The following CENPP variants were observed in gnomAD, a reference collection of about 807,000 sequenced individuals.
The protein encoded by CENPP is centromere protein P.
CENPP carries 24 observed loss-of-function variants against 35.6 expected under a neutral mutation model. That is an observed-to-expected ratio of 0.67 (90% CI 0.49 to 0.95). The LOEUF (loss-of-function observed/expected upper bound fraction) is 0.95. CENPP is among the 40% of genes least tolerant of loss of function. The probability of loss-of-function intolerance (pLI) is 0.00; values close to 1 mark genes in which losing one functional copy is unlikely to be tolerated. For synonymous variants in CENPP, 120 were observed against 125.5 expected, an observed-to-expected ratio of 0.96 and a Z score of 0.29; for missense variants, 332 against 345.3, an observed-to-expected ratio of 0.96 and a Z score of 0.31.
intron 5 of CENPP, among the ~76,000 whole-genome samples, chr9:92,426,540 CAATG>C (rs1843971884): frequency 6.6e-6 from 1 of 152,002 alleles, no homozygotes; most frequent in South Asian, 2.1e-4. Context: ...AGAATATAAA[CAATG>C]TAGAGTGCGA....
intron 5 of CENPP, among the ~76,000 whole-genome samples, chr9:92,473,075 G>T (rs1454876455): frequency 6.6e-6 from 1 of 152,196 alleles, no homozygotes; most frequent in Non-Finnish European, 1.5e-5. Flanking sequence ...ATATTCTTAG[G>T]TGGATTTTGT....
rs78815638 is a variant in CENPP, at chr9:92,327,382, A to G, written c.107+1277A>G. ...TCTCAGGCAAAGCAGAAAGGCCCACACTTTGGAGGAGGAGGGGTTGGGGCA... is the reference window on the plus strand; with the variant it reads ...TCTCAGGCAAAGCAGAAAGGCCCACGCTTTGGAGGAGGAGGGGTTGGGGCA... On this transcript the variant is annotated intron_variant, in intron 1 of 7. Transcript: ENST00000375587. Among the ~76,000 whole-genome samples the G allele has an allele frequency of 7.6e-3, 1,159 of 152,326 alleles. 17 individuals are homozygous for G. Among genetic ancestry groups the G allele is most frequent in the African/African-American group, 0.026 (1,082 of 41,578 alleles).
chr9:92,619,673 C>T lies in CENPP; in HGVS notation c.*6524C>T. On this transcript the variant is annotated 3_prime_UTR_variant, in exon 8 of 8. Transcript: ENST00000375587. ...GTGGGAACTGCTTCCTGCCTCAGAA[C>T]CTGAGGGTGGGATTAGGAGCGAGGG... The T allele has an allele frequency of 2.9e-6, 3 of 1,021,414 alleles. No individual in the cohort carries two copies. The highest frequency in any genetic ancestry group is 1.4e-5 in the South Asian group (1 of 72,238). 63.3% of individuals were successfully genotyped at this position (1,021,414 alleles called of 1,614,324 possible).
intron 5 of CENPP, chr9:92,517,996 A>G (rs1847831169): frequency 1.8e-6 from 2 of 1,137,380 alleles, no homozygotes; most frequent in Non-Finnish European, 2.5e-6. Context: ...TTCTATGTGC[A>G]TTCATGTATA....
intron 5 of CENPP, among the ~76,000 whole-genome samples, chr9:92,538,015 A>G (rs1287395592): frequency 6.6e-6 from 1 of 151,966 alleles, no homozygotes; most frequent in Non-Finnish European, 1.5e-5. Context: ...TGTAGGGAAA[A>G]CAGAAACTCT....
intron 5 of CENPP, among the ~76,000 whole-genome samples, chr9:92,498,572 AAAAG>A (rs1265156296): frequency 6.6e-6 from 1 of 152,166 alleles, no homozygotes; most frequent in Non-Finnish European, 1.5e-5. Flanking sequence ...TATTAATTCA[AAAAG>A]AAAAGAGCAA....
In CENPP at chr9:92,459,583, A is replaced by C. The variant is rs746073101; in HGVS notation, c.564+79724A>C. ...GAGGTGTGCTAAAGTGTGTTATAAAAACTGAAGAAAAATACCAATATCTAC... is the reference window on the plus strand; with the variant it reads ...GAGGTGTGCTAAAGTGTGTTATAAACACTGAAGAAAAATACCAATATCTAC... On this transcript the variant is annotated intron_variant, in intron 5 of 7. Transcript: ENST00000375587. 4 of 1,585,862 alleles carry C rather than the reference A, an allele frequency of 2.5e-6. No individual in the cohort carries two copies. In the Admixed American group the frequency reaches 6.8e-5, roughly 27 times the overall value.
At chr9:92,458,800 G>C (rs1013727270) in intron 5 of CENPP, among the ~76,000 whole-genome samples, 1 of 152,100 alleles carries the variant, frequency 6.6e-6, no homozygotes, top group Non-Finnish European at 1.5e-5. Flanking sequence ...GCAGCATTTG[G>C]AAAAGTCAAA....
chr9:92,348,746 T>A (rs576727386), intron 4 of CENPP, among the ~76,000 whole-genome samples: 1 of 152,336 alleles, frequency 6.6e-6, no homozygotes, highest in African/African-American at 2.4e-5. Flanking sequence ...TCAGCTTTTG[T>A]TTCTCTGGAA....
At chr9:92,533,560 G>A (rs1848991319) in intron 5 of CENPP, among the ~76,000 whole-genome samples, 1 of 151,094 alleles carries the variant, frequency 6.6e-6, no homozygotes, top group African/African-American at 2.4e-5. Context: ...CCAAATATTG[G>A]CCCTGTTGTT....
chr9:92,391,097 T>C (rs936382987), intron 5 of CENPP, among the ~76,000 whole-genome samples: 3 of 151,998 alleles, frequency 2.0e-5, no homozygotes, highest in Non-Finnish European at 2.9e-5. Context: ...CAACCTCATC[T>C]CTATTAAAAT....
chr9:92,421,781 C>G (rs2130970243), intron 5 of CENPP, among the ~76,000 whole-genome samples: 1 of 152,238 alleles, frequency 6.6e-6, no homozygotes, highest in East Asian at 1.9e-4. Context: ...AAAGAGCAAA[C>G]AGCTTAGTGG....
chr9:92,567,375 T>TATATAGATATATATATATATATATAG (rs60545319), intron 5 of CENPP, among the ~76,000 whole-genome samples: 96 of 81,862 alleles, frequency 1.2e-3, no homozygotes, highest in African/African-American at 5.7e-3. Flanking sequence ...ATAAGATAGA[T>TATATAGATATATATATATATATATAG]ATATATATAT....
At chr9:92,445,219 T>G (rs1844523070) in intron 5 of CENPP, among the ~76,000 whole-genome samples, 2 of 152,096 alleles carry the variant, frequency 1.3e-5, no homozygotes, top group African/African-American at 4.8e-5. Context: ...CTGGTGAGAG[T>G]GGGTTTCTCC....
Position 92,325,959 on chromosome 9 carries a change from A to AC in CENPP, c.-39dup. 6.6e-7 allele frequency: 1 copy of AC among 1,506,598 alleles called. No individual in the cohort carries two copies. The highest frequency in any genetic ancestry group is 9.0e-7 in the Non-Finnish European group (1 of 1,108,324). The allele number at this position is 1,506,598 out of a possible 1,614,324, so 93.3% of individuals were successfully genotyped here. On this transcript the variant is annotated 5_prime_UTR_variant, in exon 1 of 8. Transcript: ENST00000375587. ...CGGGTGAAGCGCGCAGGTCGGAGTG[A>AC]CAGCTGCGCTGCCGGCCCGGCTGCG...
intron 5 of CENPP, among the ~76,000 whole-genome samples, chr9:92,453,034 T>A (rs1230533085): frequency 6.6e-6 from 1 of 152,190 alleles, no homozygotes; most frequent in Non-Finnish European, 1.5e-5. Context: ...ATTTTGTTGA[T>A]CCTTTCAAAA....
At chr9:92,469,641 A>G (rs1474336734) in intron 5 of CENPP, among the ~76,000 whole-genome samples, 3 of 152,264 alleles carry the variant, frequency 2.0e-5, no homozygotes, top group East Asian at 3.9e-4. Context: ...TTTCTCCAGC[A>G]CAGCCTGAGA....
chr9:92,378,977 CT>C (rs1291834069), intron 4 of CENPP, among the ~76,000 whole-genome samples: 1 of 152,210 alleles, frequency 6.6e-6, no homozygotes, highest in African/African-American at 2.4e-5. Flanking sequence ...CACACTCCAG[CT>C]GCAAGTATCA....
rs142713990 is a variant in CENPP, at chr9:92,417,290, G to A, written c.564+37431G>A. ...AAGGTAGAGTTGCTGAATGTGCATC[G>A]GAATATTTGGGATAGTCTTGAGTTT... On this transcript the variant is annotated intron_variant, in intron 5 of 7. Coordinates refer to ENST00000375587, the MANE Select transcript of CENPP (RefSeq NM_001012267.3). 1.2e-5 allele frequency: 20 copies of A among 1,613,914 alleles called. No homozygotes were observed. The East Asian group carries it at 1.3e-4, about 11-fold the overall frequency.
Sources: allele counts gnomAD v4.1 joint callset (sites outside exome capture counted in the v4.1 genomes callset), GRCh38; gene constraint gnomAD v4.1.1; transcripts MANE v1.5; gene names NCBI Gene and HGNC (gene_info 2026-07-23, HGNC 2026-07-21).